Variants in KIAA1191 observed in about 807,000 individuals in gnomAD.
The protein encoded by KIAA1191 is KIAA1191, also known as putative monooxygenase p33MONOX.
Under a neutral mutation model 31.1 loss-of-function variants are expected in KIAA1191, and 22 were observed. That is an observed-to-expected ratio of 0.71 (90% CI 0.51 to 1.01). The LOEUF is 1.01. Ranked by LOEUF, KIAA1191 falls within the 50% of genes least tolerant of loss-of-function variation. The pLI, the probability that KIAA1191 is intolerant of heterozygous loss-of-function variation, is 0.00. For missense variants in KIAA1191, 319 were observed against 388.0 expected (o/e 0.82, Z 1.49); for synonymous variants, 130 against 143.9 (o/e 0.90, Z 0.69).
chr5:176,359,678 G>A, intron 2 of KIAA1191, 111 bp from the exon 3 acceptor site: 1 of 609,260 alleles, frequency 1.6e-6, no homozygotes, highest in Non-Finnish European at 3.0e-6. Flanking sequence ...ACACATGCAA[G>A]AGCCAGTGGG....
chr5:176,358,155 G>A (rs1332144709), intron 3 of KIAA1191, among the ~76,000 whole-genome samples: 1 of 152,184 alleles, frequency 6.6e-6, no homozygotes, highest in African/African-American at 2.4e-5. Flanking sequence ...AAGGGTTGCT[G>A]TGAGCATTTT....
chr5:176,355,623 C>CT lies in KIAA1191; in HGVS notation c.154dup (p.Ser52LysfsTer38), dbSNP rs1561757840. ...TGGAATCACTGGCTTCCAAGGGACGCTGCCCATGTCCGATGGAGGAGGAGT... is the reference window on the plus strand; with the variant it reads ...TGGAATCACTGGCTTCCAAGGGACGCTTGCCCATGTCCGATGGAGGAGGAGT... On this transcript the variant is annotated frameshift_variant, in exon 4 of 9. Transcript: ENST00000298569. LOFTEE classifies it high-confidence loss of function. The surrounding 1 kb of genome is among the most constrained non-coding windows in gnomAD (Gnocchi z 4.2). The CT allele has an allele frequency of 6.8e-6, 11 of 1,612,236 alleles. No individual in the cohort carries two copies. The highest frequency in any genetic ancestry group is 9.3e-6 in the Non-Finnish European group (11 of 1,179,764).
intron 5 of KIAA1191, among the ~76,000 whole-genome samples, chr5:176,352,380 A>G (rs557420768): frequency 1.3e-5 from 2 of 152,326 alleles, no homozygotes; most frequent in African/African-American, 4.8e-5. Flanking sequence ...AGAGCTGGGA[A>G]CATGAGATCA....
Position 176,348,255 on chromosome 5 carries a change from C to G in KIAA1191, c.561G>C (p.Arg187Ser). 6.2e-7 allele frequency: 1 copy of G among 1,613,546 alleles called. No individual in the cohort carries two copies. ...GGGTCACAGGAAGGGCTCACCTGGGCCTCTGCTTAGGTGAAGAGTGCGGAG... is the reference window on the plus strand; with the variant it reads ...GGGTCACAGGAAGGGCTCACCTGGGGCTCTGCTTAGGTGAAGAGTGCGGAG... ...STTPHSSPKQ[R>S]PRGWFTSGSS... The change falls in exon 7 of 9, where the codon AGG (arginine) becomes AGC (serine). Residue 187 changes from arginine to serine, a missense_variant. Physicochemically the swap from Arg to Ser is moderately radical, Grantham distance 110. Transcript: ENST00000298569.
chr5:176,350,646 C>T lies in KIAA1191; in HGVS notation c.426G>A (p.Glu142=). 1 of 1,614,142 alleles carries T rather than the reference C, an allele frequency of 6.2e-7. No individual in the cohort carries two copies. The highest frequency in any genetic ancestry group is 8.5e-7 in the Non-Finnish European group (1 of 1,180,038). Residue 142 remains glutamate, a synonymous_variant, in exon 6 of 9, where the codon GAG becomes GAA. Transcript: ENST00000298569. The part of the protein sequence containing the change: ...YTPHKGLTTE[E]TKYLRVAEAL... ...CTTCGGCCACTCGAAGGTACTTGGT[C>T]TCCTCGGTGGTGAGGCCCTTGTGGG...
At chr5:176,356,627 G>T (rs142159335) in intron 3 of KIAA1191, among the ~76,000 whole-genome samples, 1 of 152,312 alleles carries the variant, frequency 6.6e-6, no homozygotes, top group African/African-American at 2.4e-5. Context: ...CAGCATGTCG[G>T]GTTGTGATGC....
intron 3 of KIAA1191, among the ~76,000 whole-genome samples, chr5:176,357,521 G>T (rs1767615619): frequency 6.6e-6 from 1 of 152,084 alleles, no homozygotes; most frequent in Non-Finnish European, 1.5e-5. Flanking sequence ...TCCTCATGAA[G>T]CAGATATTCT....
intron 4 of KIAA1191, chr5:176,354,456 T>C: frequency 6.6e-6 from 1 of 152,256 alleles, no homozygotes; most frequent in East Asian, 1.9e-4. Flanking sequence ...GCCTTTCTTG[T>C]ATTCTTGGTG....
chr5:176,352,168 CA>C (rs950163386), intron 5 of KIAA1191, among the ~76,000 whole-genome samples: 18 of 138,668 alleles, frequency 1.3e-4, no homozygotes, highest in South Asian at 2.3e-4. Context: ...AAAAAAAAAA[CA>C]AAAAAAAAAA....
chr5:176,352,180 C>T (rs200584482), intron 5 of KIAA1191, among the ~76,000 whole-genome samples: 23 of 140,064 alleles, frequency 1.6e-4, no homozygotes, highest in Admixed American at 1.6e-3. Context: ...AAAAAAAAAA[C>T]AAAAACTGGG....
chr5:176,361,573 G>A lies in KIAA1191; in HGVS notation c.-168+29C>T, dbSNP rs2113527995. 6.6e-6 allele frequency: 1 copy of A among 152,598 alleles called. No homozygotes were observed. The highest frequency in any genetic ancestry group is 6.5e-5 in the Admixed American group (1 of 15,308). 9.5% of individuals were successfully genotyped at this position (152,598 alleles called of 1,614,324 possible). A position where few individuals can be genotyped will look rare whatever the true frequency, so the allele number is the denominator to read the frequency against. On this transcript the variant is annotated intron_variant, in intron 1 of 8. Transcript: ENST00000298569. The surrounding 1 kb of genome is among the most constrained non-coding windows in gnomAD (Gnocchi z 4.0). ...TGATCGCCAGAGAACGCAGCCCCAA[G>A]GGAGGGCCCAGGCCCGCCATCTGTT...
At chr5:176,359,787 T>C (rs551176430) in intron 2 of KIAA1191, 24 bp downstream of exon 2, 4 of 361,094 alleles carry the variant, frequency 1.1e-5, no homozygotes, top group African/African-American at 2.0e-5. Context: ...TAAGATGCCA[T>C]ACATGGTGAA....
At position 176,347,504 on chromosome 5, in the gene KIAA1191, T is replaced by C; in HGVS notation, c.*96A>G. 9.5e-7 allele frequency: 1 copy of C among 1,051,278 alleles called. No homozygotes were observed. The highest frequency in any genetic ancestry group is 1.3e-6 in the Non-Finnish European group (1 of 762,512). 65.1% of individuals were successfully genotyped at this position (1,051,278 alleles called of 1,614,324 possible). A position where few individuals can be genotyped will look rare whatever the true frequency, so the allele number is the denominator to read the frequency against. On this transcript the variant is annotated 3_prime_UTR_variant, in exon 9 of 9. Coordinates refer to ENST00000298569, the MANE Select transcript of KIAA1191 (RefSeq NM_020444.5). Reference sequence around the variant, plus strand: ...GCGTGAGCCACCACGCCCAGCTGATTAAGTTTTTAAATATACCTTTCCTAT... The same window carrying C: ...GCGTGAGCCACCACGCCCAGCTGATCAAGTTTTTAAATATACCTTTCCTAT...
rs774447492 is a variant in KIAA1191 at position 176,355,388 on chromosome 5, T to G, written c.207+183A>C. On this transcript the variant is annotated intron_variant, in intron 4 of 8. Transcript: ENST00000298569. The surrounding 1 kb of genome is among the most constrained non-coding windows in gnomAD (Gnocchi z 4.2). The stretch of plus-strand genomic sequence containing the variant: ...GTAACCCTAAAGCTACTGATTTTTT[T>G]TTTAACAAAATAAATAAAATCTTAA... 7.0e-6 allele frequency among the ~76,000 whole-genome samples: 1 copy of G among 142,258 alleles called. No individual in the cohort carries two copies. The highest frequency in any genetic ancestry group is 1.5e-5 in the Non-Finnish European group (1 of 65,602). 93.3% of individuals were successfully genotyped at this position (142,258 alleles called of 152,430 possible).
rs1767999175 is a variant in KIAA1191, at chr5:176,361,392, A to T, written c.-168+210T>A. The T allele has an allele frequency of 6.6e-6, 1 of 152,410 alleles. No homozygotes were observed. The highest frequency in any genetic ancestry group is 2.4e-5 in the African/African-American group (1 of 41,460). The allele number at this position is 152,410 out of a possible 1,614,324, so 9.4% of individuals were successfully genotyped here. On this transcript the variant is annotated intron_variant, in intron 1 of 8. Transcript: ENST00000298569. This position sits in a 1 kb window ranked among gnomAD's most constrained non-coding sequence, Gnocchi z 4.0. ...TACGGGAGCTGCAGGGCATTCCCGGAGAGAAGCCCCATTACGGAGACCCCA... is the reference window on the plus strand; with the variant it reads ...TACGGGAGCTGCAGGGCATTCCCGGTGAGAAGCCCCATTACGGAGACCCCA...
At chr5:176,352,853 G>T in intron 4 of KIAA1191, 105 bp from the exon 5 acceptor site, 1 of 1,250,116 alleles carries the variant, frequency 8.0e-7, no homozygotes. Flanking sequence ...CATTAATCTG[G>T]TAAGTGAGGA....
chr5:176,352,887 C>A, intron 4 of KIAA1191, 139 bp from the exon 5 acceptor site: 1 of 829,348 alleles, frequency 1.2e-6, no homozygotes. Flanking sequence ...AGGAGTTGGT[C>A]ATCTCCACCC....
At chr5:176,356,642 AC>A (rs1767530083) in intron 3 of KIAA1191, among the ~76,000 whole-genome samples, 1 of 152,112 alleles carries the variant, frequency 6.6e-6, no homozygotes. Context: ...TGATGCAGCC[AC>A]CCCATTCAAG....
chr5:176,355,459 A>AGG lies in KIAA1191; in HGVS notation c.207+110_207+111dup. ...TAACTGAGGCACAGAAAACACATAC[A>AGG]GGGAGTGGTTGCTGCCCAGTCCCAT... is the stretch of plus-strand genomic sequence containing the variant. On this transcript the variant is annotated intron_variant, in intron 4 of 8. Coordinates refer to ENST00000298569, the MANE Select transcript of KIAA1191 (RefSeq NM_020444.5). This position sits in a 1 kb window ranked among gnomAD's most constrained non-coding sequence, Gnocchi z 4.2. 1.2e-6 allele frequency: 1 copy of AGG among 858,400 alleles called. No individual in the cohort carries two copies. The highest frequency in any genetic ancestry group is 3.7e-4 in the Middle Eastern group (1 of 2,690). The allele number at this position is 858,400 out of a possible 1,614,324, so 53.2% of individuals were successfully genotyped here. A position where few individuals can be genotyped will look rare whatever the true frequency, so the allele number is the denominator to read the frequency against.
Sources: gnomAD v4.1 joint callset for allele counts (sites outside exome capture counted in the v4.1 genomes callset) on GRCh38, gnomAD v4.1.1 for gene constraint, Gnocchi (gnomAD v3.1) non-coding constraint, MANE v1.5 for transcripts, NCBI Gene and HGNC (gene_info 2026-07-23, HGNC 2026-07-21) for gene names.